TBCD: variants seen among roughly 807,000 people sequenced by gnomAD.
TBCD encodes tubulin-specific chaperone D.
TBCD carries 105 observed loss-of-function variants against 169.3 expected under a neutral mutation model. The ratio of observed to expected loss-of-function variants is 0.62; its 90% CI spans 0.53 to 0.73. TBCD has a LOEUF of 0.73. TBCD is among the 30% of genes least tolerant of loss of function. The pLI, the probability that TBCD is intolerant of heterozygous loss-of-function variation, is 0.00. For missense variants in TBCD, 1,444 were observed against 1,600.1 expected, an observed-to-expected ratio of 0.90 and a Z score of 1.66; for synonymous variants, 700 against 643.9, an observed-to-expected ratio of 1.09 and a Z score of -1.32.
At chr17:82,882,711 C>T (rs1040255949) in intron 14 of TBCD, among the ~76,000 whole-genome samples, 4 of 151,382 alleles carry the variant, frequency 2.6e-5, no homozygotes, top group Admixed American at 1.3e-4. Context: ...GGGTCTGGGG[C>T]AACAGACAGC....
chr17:82,812,605 C>T (rs556676455), intron 12 of TBCD, among the ~76,000 whole-genome samples: 53 of 152,296 alleles, frequency 3.5e-4, no homozygotes, highest in Admixed American at 2.6e-3. Context: ...AGTGCAGTGG[C>T]GCGGTCTTGG....
chr17:82,825,972 A>G (rs1411303791), intron 13 of TBCD, among the ~76,000 whole-genome samples: 1 of 152,198 alleles, frequency 6.6e-6, no homozygotes, highest in Non-Finnish European at 1.5e-5. Flanking sequence ...TCTAAAAAAC[A>G]ATTTCATAGG....
intron 27 of TBCD, among the ~76,000 whole-genome samples, chr17:82,925,268 G>A (rs1355670538): frequency 6.6e-6 from 1 of 152,234 alleles, no homozygotes; most frequent in Non-Finnish European, 1.5e-5. Flanking sequence ...ACCCTTTGCT[G>A]TCAGAGGACA....
Position 82,800,890 on chromosome 17 carries a change from G to A in TBCD, c.844G>A (p.Gly282Ser). The A allele has an allele frequency of 6.2e-7, 1 of 1,612,862 alleles. No homozygotes were observed. Among genetic ancestry groups the A allele is most frequent in the Non-Finnish European group, 8.5e-7 (1 of 1,179,632 alleles). Reference sequence around the variant, plus strand: ...TGCCACTGTCCTCAGGTGCCTCGATGGCTGCAGACTCCCTGAGAGCAACCA... The same window carrying A: ...TGCCACTGTCCTCAGGTGCCTCGATAGCTGCAGACTCCCTGAGAGCAACCA... The part of the protein sequence containing the change: ...YAATVLRCLD[G>S]CRLPESNQTL... The change falls in exon 9 of 39, where the codon GGC (glycine) becomes AGC (serine). Residue 282 changes from glycine (G) to serine (S), a missense_variant. Physicochemically the swap from Gly to Ser is moderately conservative, Grantham distance 56. Transcript: ENST00000355528.
intron 9 of TBCD, among the ~76,000 whole-genome samples, chr17:82,805,231 G>A (rs1444264677): frequency 6.6e-6 from 1 of 152,228 alleles, no homozygotes. Context: ...GGGGAAGTGG[G>A]GGCATGGAGC....
At chr17:82,932,205 A>G (rs576908645) in intron 33 of TBCD, 3 of 237,746 alleles carry the variant, frequency 1.3e-5, no homozygotes, top group Non-Finnish European at 2.5e-5. Context: ...TAGAAGATTT[A>G]TAGTTTTGGG....
At chr17:82,851,526 G>A (rs1286140587) in intron 13 of TBCD, among the ~76,000 whole-genome samples, 4 of 152,194 alleles carry the variant, frequency 2.6e-5, no homozygotes, top group African/African-American at 9.6e-5. Context: ...CACAGGGCCC[G>A]AGGTTCTCTC....
At chr17:82,828,924 A>G (rs1343666021) in intron 13 of TBCD, among the ~76,000 whole-genome samples, 2 of 149,890 alleles carry the variant, frequency 1.3e-5, no homozygotes, top group East Asian at 4.0e-4. Context: ...GCACACCTAC[A>G]CAGTCGAGTG....
rs538717372 is a variant in TBCD, at chr17:82,938,308, C to T, written c.3369+172C>T. 3.9e-5 allele frequency among the ~76,000 whole-genome samples: 6 copies of T among 152,336 alleles called. No individual in the cohort carries two copies. In the East Asian group the frequency reaches 9.7e-4, roughly 25 times the overall value. On this transcript the variant is annotated intron_variant, in intron 36 of 38. Coordinates refer to ENST00000355528, the MANE Select transcript of TBCD (RefSeq NM_005993.5). ...CACGCGGCTGCCAAGGGGCTCTGGA[C>T]GCCACTGTTCTGGCTTTAAGGACGG... is the stretch of plus-strand genomic sequence containing the variant.
At position 82,795,562 on chromosome 17, in the gene TBCD, G is replaced by C. The variant is rs985878853; in HGVS notation, c.772-2195G>C. ...GCTGCTGTTGGAATCTGGTCATGTG[G>C]CCATGGCTGCAGGTGATACGGTGGT... On this transcript the variant is annotated intron_variant, in intron 7 of 38. Coordinates refer to ENST00000355528, the MANE Select transcript of TBCD (RefSeq NM_005993.5). The C allele has an allele frequency of 3.0e-6, 3 of 985,526 alleles. No homozygotes were observed. In the African/African-American group the frequency reaches 5.2e-5, roughly 17 times the overall value. The allele number at this position is 985,526 out of a possible 1,614,324, so 61.0% of individuals were successfully genotyped here. A position where few individuals can be genotyped will look rare whatever the true frequency, so the allele number is the denominator to read the frequency against.
At position 82,835,686 on chromosome 17, in the gene TBCD, A is replaced by G. The variant is rs751439194; in HGVS notation, c.1318+20752A>G. On this transcript the variant is annotated intron_variant, in intron 13 of 38. Coordinates refer to ENST00000355528, the MANE Select transcript of TBCD (RefSeq NM_005993.5). This position sits in a 1 kb window ranked among gnomAD's most constrained non-coding sequence, Gnocchi z 4.5. ...GCGATCTGCCCGCCTCAGCCTCCCA[A>G]AGTGCTGGGATTACAGGCATGAGCC... Among the ~76,000 whole-genome samples, 3 of 152,188 alleles carry G rather than the reference A, an allele frequency of 2.0e-5. No homozygotes were observed. The highest frequency in any genetic ancestry group is 7.2e-5 in the African/African-American group (3 of 41,532).
At chr17:82,759,229 T>C (rs1402438144) in intron 2 of TBCD, among the ~76,000 whole-genome samples, 1 of 151,994 alleles carries the variant, frequency 6.6e-6, no homozygotes, top group Non-Finnish European at 1.5e-5. Flanking sequence ...ATGCCTCTGA[T>C]CCTAGCACTT....
chr17:82,815,501 A>C (rs1206158056), intron 13 of TBCD, among the ~76,000 whole-genome samples: 1 of 152,190 alleles, frequency 6.6e-6, no homozygotes, highest in African/African-American at 2.4e-5. Flanking sequence ...AGTGGCCAGC[A>C]GTGGGGTGGG....
chr17:82,786,821 CTTTTTTT>C (rs71168154), intron 7 of TBCD, among the ~76,000 whole-genome samples: 10 of 110,150 alleles, frequency 9.1e-5, no homozygotes, highest in South Asian at 3.3e-4. Flanking sequence ...CGGTTCTTTA[CTTTTTTT>C]TTTTTTTTTT....
chr17:82,870,863 C>G (rs2057508816), intron 14 of TBCD, among the ~76,000 whole-genome samples: 1 of 152,256 alleles, frequency 6.6e-6, no homozygotes, highest in Non-Finnish European at 1.5e-5. Flanking sequence ...GCATGTTGGA[C>G]ATGGCAGTCT....
chr17:82,932,288 A>G, intron 33 of TBCD: 1 of 388,010 alleles, frequency 2.6e-6, no homozygotes, highest in Admixed American at 4.2e-5. Flanking sequence ...AGGCACCTTG[A>G]CGCCCAGCGG....
At chr17:82,813,045 A>G (rs1038491907) in intron 12 of TBCD, among the ~76,000 whole-genome samples, 4 of 149,594 alleles carry the variant, frequency 2.7e-5, no homozygotes, top group African/African-American at 9.8e-5. Context: ...CTAGTCTTGA[A>G]CTCCTGGCCT....
intron 7 of TBCD, among the ~76,000 whole-genome samples, chr17:82,790,971 C>G (rs1037722397): frequency 6.6e-6 from 1 of 152,146 alleles, no homozygotes; most frequent in South Asian, 2.1e-4. Flanking sequence ...CTCCCTGCCG[C>G]CGTTGCCCTC....
At chr17:82,753,978 G>C (rs953908768) in intron 1 of TBCD, among the ~76,000 whole-genome samples, 1 of 150,004 alleles carries the variant, frequency 6.7e-6, no homozygotes, top group African/African-American at 2.5e-5. Flanking sequence ...CCAGGTTCAA[G>C]TGATTCTCCT....
Sources: allele counts gnomAD v4.1 joint callset (sites outside exome capture counted in the v4.1 genomes callset), GRCh38; gene constraint gnomAD v4.1.1; non-coding constraint Gnocchi (gnomAD v3.1); transcripts MANE v1.5; gene names NCBI Gene and HGNC (gene_info 2026-07-23, HGNC 2026-07-21).